SLC16A12: variants seen among roughly 807,000 people sequenced by gnomAD.
The protein encoded by SLC16A12 is monocarboxylate transporter 12.
SLC16A12 carries 17 observed loss-of-function variants against 42.4 expected under a neutral mutation model. The observed-to-expected ratio is 0.40, with a 90% CI of 0.27 to 0.60. The LOEUF (loss-of-function observed/expected upper bound fraction) is 0.60. Ranked by LOEUF, SLC16A12 falls within the 20% of genes least tolerant of loss-of-function variation. The probability of loss-of-function intolerance (pLI) is 0.42; values close to 1 mark genes in which losing one functional copy is unlikely to be tolerated. For missense variants in SLC16A12, 544 were observed against 623.0 expected (o/e 0.87, Z 1.35); for synonymous variants, 224 against 229.4 (o/e 0.98, Z 0.21).
rs1841852048 is a variant in SLC16A12 at position 89,438,878 on chromosome 10, C to G, written c.754G>C (p.Val252Leu). The G allele has an allele frequency of 1.2e-6, 2 of 1,612,606 alleles. No homozygotes were observed. The highest frequency in any genetic ancestry group is 1.7e-6 in the Non-Finnish European group (2 of 1,179,428). The change falls in exon 6 of 8, where the codon GTG becomes CTG. Residue 252 changes from valine (V) to leucine (L), a missense_variant. Physicochemically the swap from Val to Leu is conservative, Grantham distance 32. Transcript: ENST00000371790. Reference protein sequence around the residue: ...CRTQKEDIKRVSPYSSLTKEW... With the variant: ...CRTQKEDIKRLSPYSSLTKEW... ...TTGGTCAAAGATGAATAGGGAGACACCCGCTTAATGTCTTCTTTCTGAGTT... is the reference window on the plus strand; with the variant it reads ...TTGGTCAAAGATGAATAGGGAGACAGCCGCTTAATGTCTTCTTTCTGAGTT...
At chr10:89,530,610 G>A (rs963875308) in intron 2 of SLC16A12, among the ~76,000 whole-genome samples, 10 of 151,918 alleles carry the variant, frequency 6.6e-5, no homozygotes, top group South Asian at 4.2e-4. Flanking sequence ...TACTAGAGAC[G>A]GGGTTTCACC....
At chr10:89,439,946 G>A (rs953259440) in intron 5 of SLC16A12, among the ~76,000 whole-genome samples, 2 of 151,642 alleles carry the variant, frequency 1.3e-5, no homozygotes, top group African/African-American at 4.8e-5. Context: ...GTGGTGGCAT[G>A]CACCTGTAGT....
chr10:89,430,416 C>G lies in SLC16A12; in HGVS notation c.*2648G>C, dbSNP rs1012736014. 1 of 284,280 alleles carries G rather than the reference C, an allele frequency of 3.5e-6. No individual in the cohort carries two copies. Among genetic ancestry groups the G allele is most frequent in the African/African-American group, 2.3e-5 (1 of 42,810 alleles). 17.6% of individuals were successfully genotyped at this position (284,280 alleles called of 1,614,324 possible). A position where few individuals can be genotyped will look rare whatever the true frequency, so the allele number is the denominator to read the frequency against. On this transcript the variant is annotated 3_prime_UTR_variant, in exon 8 of 8. Transcript: ENST00000371790. Reference sequence around the variant, plus strand: ...AAAGCCCAATCATACAGTGTATCTACAAAGTTAGATAATGTCTTCTGATTT... The same window carrying G: ...AAAGCCCAATCATACAGTGTATCTAGAAAGTTAGATAATGTCTTCTGATTT...
chr10:89,516,144 T>C (rs920086718), intron 2 of SLC16A12, among the ~76,000 whole-genome samples: 1 of 152,106 alleles, frequency 6.6e-6, no homozygotes. Context: ...TTATTTGTTT[T>C]CTAAGACAGC....
chr10:89,529,387 T>C (rs1442278395), intron 2 of SLC16A12, among the ~76,000 whole-genome samples: 3 of 152,008 alleles, frequency 2.0e-5, no homozygotes, highest in Non-Finnish European at 4.4e-5. Flanking sequence ...TACAAATGAT[T>C]TGGGTGATAA....
At chr10:89,543,048 G>A (rs1421641851) in intron 2 of SLC16A12, among the ~76,000 whole-genome samples, 1 of 152,176 alleles carries the variant, frequency 6.6e-6, no homozygotes, top group East Asian at 1.9e-4. Context: ...CAGCATCATT[G>A]AAGGTCCAAT....
chr10:89,507,122 G>A (rs1843076332), intron 2 of SLC16A12, among the ~76,000 whole-genome samples: 1 of 152,130 alleles, frequency 6.6e-6, no homozygotes, highest in Non-Finnish European at 1.5e-5. Flanking sequence ...GAAAGTGACG[G>A]GGAGAATGGA....
At chr10:89,523,595 G>A (rs545138411) in intron 2 of SLC16A12, among the ~76,000 whole-genome samples, 7 of 152,036 alleles carry the variant, frequency 4.6e-5, no homozygotes, top group Non-Finnish European at 7.4e-5. Context: ...AGTTTCTTTC[G>A]CTAGATTCTC....
chr10:89,523,609 C>A (rs894624702), intron 2 of SLC16A12, among the ~76,000 whole-genome samples: 1 of 152,148 alleles, frequency 6.6e-6, no homozygotes, highest in African/African-American at 2.4e-5. Context: ...GATTCTCTTC[C>A]TCTGACCACT....
intron 3 of SLC16A12, among the ~76,000 whole-genome samples, chr10:89,446,679 G>A (rs992530086): frequency 1.4e-4 from 22 of 152,272 alleles, no homozygotes; most frequent in Admixed American, 3.9e-4. Context: ...GACCATCGAT[G>A]CTAGGAAGAA....
At chr10:89,494,580 G>T (rs772109279) in intron 2 of SLC16A12, among the ~76,000 whole-genome samples, 5 of 152,104 alleles carry the variant, frequency 3.3e-5, no homozygotes. Flanking sequence ...TAAACCACAA[G>T]GATAAAGAGA....
At chr10:89,479,393 T>C (rs1361409817) in intron 2 of SLC16A12, among the ~76,000 whole-genome samples, 1 of 152,180 alleles carries the variant, frequency 6.6e-6, no homozygotes, top group Non-Finnish European at 1.5e-5. Flanking sequence ...TAGGGGAAGA[T>C]GCCCTTGCAA....
chr10:89,554,018 A>G (rs1056555333), intron 2 of SLC16A12, among the ~76,000 whole-genome samples: 2 of 148,200 alleles, frequency 1.3e-5, no homozygotes, highest in Admixed American at 1.4e-4. Context: ...GAAAGAGAGA[A>G]AGAAAGAGAG....
intron 2 of SLC16A12, among the ~76,000 whole-genome samples, chr10:89,555,599 A>G (rs1247614810): frequency 6.9e-6 from 1 of 145,224 alleles, no homozygotes; most frequent in Non-Finnish European, 1.5e-5. Context: ...ATATATACAC[A>G]TATATACATA....
chr10:89,519,168 A>G (rs1284957607), intron 2 of SLC16A12, among the ~76,000 whole-genome samples: 1 of 152,152 alleles, frequency 6.6e-6, no homozygotes, highest in Non-Finnish European at 1.5e-5. Context: ...CACATATCCC[A>G]TATTGATACT....
intron 2 of SLC16A12, among the ~76,000 whole-genome samples, chr10:89,522,374 C>T (rs1843371038): frequency 6.6e-6 from 1 of 152,168 alleles, no homozygotes. Flanking sequence ...CTCTTCTTGG[C>T]TGCTAGACCT....
At position 89,439,087 on chromosome 10, in the gene SLC16A12, C is replaced by A. The variant is rs776027879; in HGVS notation, c.545G>T (p.Gly182Val). The A allele has an allele frequency of 1.2e-6, 2 of 1,613,422 alleles. No individual in the cohort carries two copies. Among genetic ancestry groups the A allele is most frequent in the Non-Finnish European group, 1.7e-6 (2 of 1,179,680 alleles). ...KALAYGIAMS[G>V]SGIGTFILAP... ...CAGGATGAAGGTGCCAATGCCACTT[C>A]CTGACATGGCGATACCATAAGCAAG... The change falls in exon 6 of 8, where the codon GGA becomes GTA. Residue 182 changes from glycine (G) to valine (V), a missense_variant. Physicochemically the swap from Gly to Val is moderately radical, Grantham distance 109. Coordinates refer to ENST00000371790, the MANE Select transcript of SLC16A12 (RefSeq NM_213606.4).
At chr10:89,546,309 T>C (rs926585955) in intron 2 of SLC16A12, among the ~76,000 whole-genome samples, 3 of 151,852 alleles carry the variant, frequency 2.0e-5, no homozygotes. Flanking sequence ...AGGCCTAATA[T>C]CCAGCATCTA....
chr10:89,534,024 A>G (rs1428533639), intron 2 of SLC16A12, among the ~76,000 whole-genome samples: 1 of 152,222 alleles, frequency 6.6e-6, no homozygotes, highest in Non-Finnish European at 1.5e-5. Flanking sequence ...ATCCTTGCCA[A>G]TCTGGATCTG....
Sources: allele counts gnomAD v4.1 joint callset (sites outside exome capture counted in the v4.1 genomes callset), GRCh38; gene constraint gnomAD v4.1.1; transcripts MANE v1.5; gene names NCBI Gene and HGNC (gene_info 2026-07-23, HGNC 2026-07-21).